The following PKIA variants were observed in gnomAD, a reference collection of about 807,000 sequenced individuals.
PKIA encodes the protein cAMP-dependent protein kinase inhibitor alpha.
PKIA carries 4 observed loss-of-function variants against 7.6 expected under a neutral mutation model. That is an observed-to-expected ratio of 0.52 (90% confidence interval 0.26 to 1.20). The LOEUF is 1.20. Ranked by LOEUF, PKIA falls within the 50% of genes most tolerant of loss-of-function variation. The probability of loss-of-function intolerance (pLI) is 0.13; values close to 1 mark genes in which losing one functional copy is unlikely to be tolerated. For missense variants in PKIA, 73 were observed against 86.2 expected (o/e 0.85, Z 0.61); for synonymous variants, 21 against 30.7 (o/e 0.68, Z 1.04).
rs1563597433 is a variant in PKIA, at chr8:78,602,694, A to ATATATATATATATAT, written c.*873_*874insTATATATATATATAT. 47 of 136,982 alleles carry ATATATATATATATAT rather than the reference A, an allele frequency of 3.4e-4. No homozygotes were observed. Among genetic ancestry groups the ATATATATATATATAT allele is most frequent in the South Asian group, 4.4e-4 (2 of 4,502 alleles). The allele number at this position is 136,982 out of a possible 1,614,324, so 8.5% of individuals were successfully genotyped here. A position where few individuals can be genotyped will look rare whatever the true frequency, so the allele number is the denominator to read the frequency against. ...CTCAAGTGGAGAACTTCTCCCACAT[A>ATATATATATATATAT]ATATATATATATATATATATTTTAA... On this transcript the variant is annotated 3_prime_UTR_variant, in exon 4 of 4. Transcript: ENST00000396418.
intron 1 of PKIA, among the ~76,000 whole-genome samples, chr8:78,523,330 C>T (rs1809452496): frequency 6.6e-6 from 1 of 151,900 alleles, no homozygotes; most frequent in South Asian, 2.1e-4. Flanking sequence ...TGGTTTACCT[C>T]TATCTTTATG....
intron 3 of PKIA, 147 bp downstream of exon 3, chr8:78,598,682 T>C: frequency 1.6e-6 from 1 of 617,562 alleles, no homozygotes; most frequent in Non-Finnish European, 2.8e-6. Context: ...AGTCTGAGAC[T>C]AATCTCTTAA....
intron 3 of PKIA, among the ~76,000 whole-genome samples, chr8:78,600,358 G>C (rs1000779713): frequency 1.4e-4 from 21 of 151,934 alleles, no homozygotes; most frequent in Admixed American, 1.3e-3. Flanking sequence ...GTTGCTTCAT[G>C]TTTACCTTTA....
chr8:78,546,425 T>C (rs1806825573), intron 1 of PKIA, among the ~76,000 whole-genome samples: 1 of 152,212 alleles, frequency 6.6e-6, no homozygotes, highest in Non-Finnish European at 1.5e-5. Flanking sequence ...TTTTGTTTCA[T>C]GTAAACTTCT....
Position 78,604,724 on chromosome 8 carries a change from AC to A in PKIA, c.*2904del, listed in dbSNP as rs1808435106. The A allele has an allele frequency of 1.3e-5, 2 of 152,166 alleles. No individual in the cohort carries two copies. The highest frequency in any genetic ancestry group is 4.8e-5 in the African/African-American group (2 of 41,558). The allele number at this position is 152,166 out of a possible 1,614,324, so 9.4% of individuals were successfully genotyped here. On this transcript the variant is annotated 3_prime_UTR_variant, in exon 4 of 4. Coordinates refer to ENST00000396418, the MANE Select transcript of PKIA (RefSeq NM_006823.4). ...TGCTACTCATTTTGTTTAATTACCA[AC>A]AAACATGGGGACTTTGGCTTTTTGA...
intron 1 of PKIA, among the ~76,000 whole-genome samples, chr8:78,559,509 G>A (rs1489966322): frequency 6.6e-6 from 1 of 152,190 alleles, no homozygotes; most frequent in Non-Finnish European, 1.5e-5. Flanking sequence ...ATACCTTTAT[G>A]CAGTTTAAAA....
chr8:78,529,540 T>C (rs1806341794), intron 1 of PKIA, among the ~76,000 whole-genome samples: 1 of 152,076 alleles, frequency 6.6e-6, no homozygotes, highest in Non-Finnish European at 1.5e-5. Context: ...AAAATACTAA[T>C]TTGTGCATGC....
chr8:78,581,355 C>T (rs559454397), intron 2 of PKIA, among the ~76,000 whole-genome samples: 1 of 152,146 alleles, frequency 6.6e-6, no homozygotes, highest in South Asian at 2.1e-4. Flanking sequence ...AAATTGAATA[C>T]ATTATGTTTG....
At chr8:78,538,999 CA>C (rs1206988779) in intron 1 of PKIA, among the ~76,000 whole-genome samples, 1 of 151,430 alleles carries the variant, frequency 6.6e-6, no homozygotes, top group African/African-American at 2.4e-5. Context: ...AAATTTGAGG[CA>C]AAAATGATAG....
intron 1 of PKIA, among the ~76,000 whole-genome samples, chr8:78,531,688 T>G (rs1415669878): frequency 6.6e-6 from 1 of 152,068 alleles, no homozygotes; most frequent in African/African-American, 2.4e-5. Context: ...TGGTCTGTTT[T>G]GAGACTCCAC....
At chr8:78,572,541 G>A (rs76443670) in intron 1 of PKIA, among the ~76,000 whole-genome samples, 3,507 of 98,376 alleles carry the variant, frequency 0.036, 121 homozygotes, top group African/African-American at 0.12. Flanking sequence ...AAAGCTGCAC[G>A]CACACACACA....
chr8:78,582,475 C>A (rs954769071), intron 2 of PKIA, among the ~76,000 whole-genome samples: 1 of 152,004 alleles, frequency 6.6e-6, no homozygotes, highest in African/African-American at 2.4e-5. Flanking sequence ...GGAACCAACA[C>A]CACGATTCAG....
intron 1 of PKIA, among the ~76,000 whole-genome samples, chr8:78,553,620 C>G (rs891031426): frequency 2.0e-5 from 3 of 151,854 alleles, no homozygotes; most frequent in African/African-American, 7.3e-5. Flanking sequence ...TCCTTTATGT[C>G]TGATTATATG....
rs113047803 is a variant in PKIA, at chr8:78,546,655, A to G, written c.-156-26156A>G. 4.7e-3 allele frequency among the ~76,000 whole-genome samples: 709 copies of G among 152,340 alleles called. 10 individuals are homozygous for G. The highest frequency in any genetic ancestry group is 4.6e-3 in the Non-Finnish European group (314 of 68,024). ...TTGAAACCCATGCCGTTAAAACCTC[A>G]TAACTGAAATTGGCACCTGATTGTT... On this transcript the variant is annotated intron_variant, in intron 1 of 3. Transcript: ENST00000396418.
At chr8:78,537,913 G>A (rs753530920) in intron 1 of PKIA, among the ~76,000 whole-genome samples, 7 of 151,874 alleles carry the variant, frequency 4.6e-5, no homozygotes, top group South Asian at 4.2e-4. Context: ...TGCTGTTGCC[G>A]CTGCCTAGAA....
At chr8:78,585,113 A>G (rs1012628247) in intron 2 of PKIA, among the ~76,000 whole-genome samples, 1 of 151,920 alleles carries the variant, frequency 6.6e-6, no homozygotes, top group Non-Finnish European at 1.5e-5. Flanking sequence ...CTTATAAAAA[A>G]TTTTTTTATT....
At chr8:78,601,509 A>G (rs1205876006) in intron 3 of PKIA, among the ~76,000 whole-genome samples, 6 of 152,028 alleles carry the variant, frequency 3.9e-5, no homozygotes, top group Non-Finnish European at 8.8e-5. Flanking sequence ...GAAAATTTGA[A>G]TATTATTTTG....
At chr8:78,543,820 C>T (rs759595830) in intron 1 of PKIA, among the ~76,000 whole-genome samples, 2 of 152,144 alleles carry the variant, frequency 1.3e-5, no homozygotes, top group South Asian at 2.1e-4. Flanking sequence ...ATTACGATGT[C>T]GTGTTGCTGC....
intron 1 of PKIA, among the ~76,000 whole-genome samples, chr8:78,527,007 T>C (rs1427500673): frequency 6.6e-6 from 1 of 152,084 alleles, no homozygotes; most frequent in African/African-American, 2.4e-5. Flanking sequence ...ATATTTAATA[T>C]GTAAATCACA....
Sources: allele counts gnomAD v4.1 joint callset (sites outside exome capture counted in the v4.1 genomes callset), GRCh38; gene constraint gnomAD v4.1.1; transcripts MANE v1.5; gene names NCBI Gene and HGNC (gene_info 2026-07-23, HGNC 2026-07-21).